TIAM1: variants seen among roughly 807,000 people sequenced by gnomAD.
TIAM1 encodes TIAM Rac1 associated GEF 1.
In TIAM1, 65 loss-of-function variants were observed where a neutral mutation model predicts 163.5. That is an observed-to-expected ratio of 0.40 (90% confidence interval 0.33 to 0.49). TIAM1 has a LOEUF of 0.49. TIAM1 is among the 20% of genes least tolerant of loss of function. The pLI is 0.77. For synonymous variants in TIAM1, 833 were observed against 810.1 expected, an observed-to-expected ratio of 1.03 and a Z score of -0.48; for missense variants, 1,789 against 2,044.7, an observed-to-expected ratio of 0.87 and a Z score of 2.41.
intron 2 of TIAM1, among the ~76,000 whole-genome samples, chr21:31,376,702 G>A (rs1465571267): frequency 1.3e-5 from 2 of 151,654 alleles, no homozygotes; most frequent in Non-Finnish European, 2.9e-5. Context: ...CCTACATGCT[G>A]ACTAATGTCA....
intron 15 of TIAM1, among the ~76,000 whole-genome samples, chr21:31,170,748 G>A (rs2084461341): frequency 6.6e-6 from 1 of 151,858 alleles, no homozygotes; most frequent in South Asian, 2.1e-4. Flanking sequence ...ATAAATTGGG[G>A]ACCATCTGGC....
At chr21:31,447,800 A>C (rs756323162) in intron 2 of TIAM1, among the ~76,000 whole-genome samples, 30 of 152,190 alleles carry the variant, frequency 2.0e-4, no homozygotes, top group Non-Finnish European at 4.1e-4. Context: ...TGCACAACAC[A>C]CATGTATATA....
At chr21:31,386,294 C>G (rs1157249522) in intron 2 of TIAM1, among the ~76,000 whole-genome samples, 1 of 152,050 alleles carries the variant, frequency 6.6e-6, no homozygotes, top group African/African-American at 2.4e-5. Flanking sequence ...CCCTATCCTG[C>G]CCTGCCCCTG....
At chr21:31,370,753 G>A (rs2076584198) in intron 2 of TIAM1, among the ~76,000 whole-genome samples, 1 of 151,984 alleles carries the variant, frequency 6.6e-6, no homozygotes, top group African/African-American at 2.4e-5. Context: ...TTTGGACAGT[G>A]GACTGTTTAA....
intron 1 of TIAM1, among the ~76,000 whole-genome samples, chr21:31,473,723 G>A (rs1336549054): frequency 1.3e-5 from 2 of 152,036 alleles, no homozygotes; most frequent in African/African-American, 2.4e-5. Context: ...ATCAGCGAGT[G>A]AGCCAGGGAT....
chr21:31,510,707 A>G (rs1399487236), intron 1 of TIAM1, among the ~76,000 whole-genome samples: 1 of 152,060 alleles, frequency 6.6e-6, no homozygotes, highest in Non-Finnish European at 1.5e-5. Context: ...CCAGCTACTC[A>G]GGAGGCTGAG....
At chr21:31,221,675 G>A (rs1446774896) in intron 8 of TIAM1, among the ~76,000 whole-genome samples, 2 of 152,184 alleles carry the variant, frequency 1.3e-5, no homozygotes, top group African/African-American at 2.4e-5. Flanking sequence ...ACAGTAAGAG[G>A]AGGAAGCCAC....
intron 1 of TIAM1, among the ~76,000 whole-genome samples, chr21:31,531,325 G>C (rs112776947): frequency 6.6e-6 from 1 of 152,168 alleles, no homozygotes. Context: ...TCCAAGGCAG[G>C]TCTATGCTGT....
At position 31,210,679 on chromosome 21, in the gene TIAM1, GAAAGAA is replaced by G. The variant is rs1322499983; in HGVS notation, c.2218-470_2218-465del. Among the ~76,000 whole-genome samples, 88 of 70,428 alleles carry G rather than the reference GAAAGAA, an allele frequency of 1.2e-3. 3 individuals are homozygous for G. The highest frequency in any genetic ancestry group is 7.2e-3 in the Middle Eastern group (1 of 138). 46.2% of individuals were successfully genotyped at this position (70,428 alleles called of 152,430 possible). A position where few individuals can be genotyped will look rare whatever the true frequency, so the allele number is the denominator to read the frequency against. ...AAAGAAAGAAAGAAAAAGAAAGAAA[GAAAGAA>G]AAAGAAAGAAAGAAAGAAAGAGAAA... On this transcript the variant is annotated intron_variant, in intron 10 of 27. Coordinates refer to ENST00000541036, the MANE Select transcript of TIAM1 (RefSeq NM_001353694.2).
chr21:31,148,996 T>A (rs2083264554), intron 19 of TIAM1, among the ~76,000 whole-genome samples: 1 of 151,106 alleles, frequency 6.6e-6, no homozygotes, highest in Non-Finnish European at 1.5e-5. Flanking sequence ...ATGAGGAGTT[T>A]AAAAAGAGCA....
intron 2 of TIAM1, among the ~76,000 whole-genome samples, chr21:31,331,553 G>T (rs980518321): frequency 6.6e-6 from 1 of 152,186 alleles, no homozygotes; most frequent in Non-Finnish European, 1.5e-5. Flanking sequence ...CACTCCTGAG[G>T]ACTGGGAATC....
Position 31,274,363 on chromosome 21 carries a change from G to A in TIAM1, c.-12+2369C>T, listed in dbSNP as rs148758268. 1.9e-3 allele frequency among the ~76,000 whole-genome samples: 287 copies of A among 152,284 alleles called. 2 individuals carry two copies. Among genetic ancestry groups the A allele is most frequent in the African/African-American group, 6.7e-3 (280 of 41,552 alleles). On this transcript the variant is annotated intron_variant, in intron 3 of 27. Transcript: ENST00000541036. ...TCCAGTTAATAGAAAGCCACCCTGT[G>A]TTCAAAGTCCTGGGCATAAAGAACA...
intron 2 of TIAM1, among the ~76,000 whole-genome samples, chr21:31,283,024 ATACT>A (rs1260923630): frequency 3.3e-5 from 5 of 152,250 alleles, no homozygotes; most frequent in African/African-American, 1.2e-4. Flanking sequence ...ATCTTTGACA[ATACT>A]TAATCAACAG....
intron 1 of TIAM1, among the ~76,000 whole-genome samples, chr21:31,550,634 A>G (rs2048652702): frequency 6.6e-6 from 1 of 152,226 alleles, no homozygotes; most frequent in South Asian, 2.1e-4. Flanking sequence ...GTGGAAGTAT[A>G]TCTTAATAAT....
At chr21:31,247,746 T>C (rs1168730625) in intron 5 of TIAM1, among the ~76,000 whole-genome samples, 5 of 152,178 alleles carry the variant, frequency 3.3e-5, no homozygotes, top group Non-Finnish European at 5.9e-5. Flanking sequence ...TTTAAATACA[T>C]ACCTGTAGAG....
At position 31,369,029 on chromosome 21, in the gene TIAM1, GGAGATA is replaced by G. The variant is rs530573313; in HGVS notation, c.-368-29613_-368-29608del. On this transcript the variant is annotated intron_variant, in intron 2 of 28. Transcript: ENST00000286827. Reference sequence around the variant, plus strand: ...CCGAGGCGGGCGGATCACGAGGTCGGGAGATAGAGACATGGTGAAACCCCATCTCTA... The same window carrying G: ...CCGAGGCGGGCGGATCACGAGGTCGGGAGACATGGTGAAACCCCATCTCTA... Among the ~76,000 whole-genome samples, 353 of 148,202 alleles carry G rather than the reference GGAGATA, an allele frequency of 2.4e-3. 3 individuals are homozygous for G. The highest frequency in any genetic ancestry group is 9.0e-3 in the African/African-American group (345 of 38,474).
chr21:31,184,166 C>T (rs1157813513), intron 14 of TIAM1, among the ~76,000 whole-genome samples: 4 of 150,714 alleles, frequency 2.7e-5, no homozygotes, highest in Admixed American at 2.0e-4. Context: ...AGTTCAATGG[C>T]GCGATCTCAG....
chr21:31,120,708 T>C lies in TIAM1; in HGVS notation c.4436A>G (p.Asp1479Gly). The part of the protein sequence containing the change: ...KESQQPPGGG[D>G]TDRWVEEQFD... Reference sequence around the variant, plus strand: ...CTGCTCCTCTACCCATCGGTCAGTGTCCCCACCACCGGGGGGCTGCTGGGA... The same window carrying C: ...CTGCTCCTCTACCCATCGGTCAGTGCCCCCACCACCGGGGGGCTGCTGGGA... Residue 1479 changes from aspartate (D) to glycine (G), a missense_variant, in exon 28 of 28, where the codon GAC becomes GGC. Transcript: ENST00000541036. This position sits in a 1 kb window ranked among gnomAD's most constrained non-coding sequence, Gnocchi z 4.2. 2.5e-6 allele frequency: 4 copies of C among 1,613,954 alleles called. No individual in the cohort carries two copies. The highest frequency in any genetic ancestry group is 3.4e-6 in the Non-Finnish European group (4 of 1,180,002).
At chr21:31,172,281 A>C (rs1444149083) in intron 15 of TIAM1, among the ~76,000 whole-genome samples, 1 of 152,242 alleles carries the variant, frequency 6.6e-6, no homozygotes, top group East Asian at 1.9e-4. Context: ...AGAAGTGTAG[A>C]CAACAACATG....
Sources: allele counts gnomAD v4.1 joint callset (sites outside exome capture counted in the v4.1 genomes callset), GRCh38; gene constraint gnomAD v4.1.1; non-coding constraint Gnocchi (gnomAD v3.1); transcripts MANE v1.5; gene names NCBI Gene and HGNC (gene_info 2026-07-23, HGNC 2026-07-21).